FBXL17: variants seen among roughly 807,000 people sequenced by gnomAD.
FBXL17 encodes the protein F-box and leucine rich repeat protein 17.
FBXL17 carries 22 observed loss-of-function variants against 66.2 expected under a neutral mutation model. The observed-to-expected ratio is 0.33, with a 90% CI of 0.24 to 0.47. The LOEUF is 0.47. Ranked by LOEUF, FBXL17 falls within the 20% of genes least tolerant of loss-of-function variation. The pLI is 1.00. For missense variants in FBXL17, 878 were observed against 948.2 expected (o/e 0.93, Z 0.97); for synonymous variants, 474 against 400.5 (o/e 1.18, Z -2.19).
intron 4 of FBXL17, among the ~76,000 whole-genome samples, chr5:108,322,396 C>T (rs1759659735): frequency 6.6e-6 from 1 of 151,782 alleles, no homozygotes; most frequent in South Asian, 2.1e-4. Context: ...TTATGAAAGA[C>T]CTGTTAAGTG....
intron 4 of FBXL17, among the ~76,000 whole-genome samples, chr5:108,293,252 A>T (rs1415788697): frequency 6.6e-6 from 1 of 152,164 alleles, no homozygotes; most frequent in Non-Finnish European, 1.5e-5. Context: ...TTATAAAGTG[A>T]AATATTGTAA....
intron 6 of FBXL17, among the ~76,000 whole-genome samples, chr5:108,158,301 A>G (rs1752073303): frequency 6.6e-6 from 1 of 152,218 alleles, no homozygotes; most frequent in Non-Finnish European, 1.5e-5. Context: ...CTGAACCAAT[A>G]TAATTCACAA....
chr5:107,878,958 G>A lies in FBXL17; in HGVS notation c.1965+2079C>T, dbSNP rs919079661. 24 of 985,328 alleles carry A rather than the reference G, an allele frequency of 2.4e-5. No homozygotes were observed. The Admixed American group carries it at 1.1e-3, about 45-fold the overall frequency. 61.0% of individuals were successfully genotyped at this position (985,328 alleles called of 1,614,324 possible). ...CTCTGGTTAGAGAAAGGATTCAGAG[G>A]CAGCCCAGGAAAAGGGCTAAAACCC... On this transcript the variant is annotated intron_variant, in intron 8 of 8. Coordinates refer to ENST00000542267, the MANE Select transcript of FBXL17 (RefSeq NM_001163315.3).
chr5:107,982,919 G>C (rs1260683021), intron 7 of FBXL17, among the ~76,000 whole-genome samples: 1 of 152,074 alleles, frequency 6.6e-6, no homozygotes, highest in East Asian at 1.9e-4. Flanking sequence ...GCTACGTTTG[G>C]CCATGGGGAC....
intron 4 of FBXL17, among the ~76,000 whole-genome samples, chr5:108,332,790 T>C (rs1011259957): frequency 6.6e-6 from 1 of 151,848 alleles, no homozygotes; most frequent in African/African-American, 2.4e-5. Context: ...GTATTTTTAG[T>C]AGAGATGGAG....
chr5:107,958,256 CTTCT>C (rs1236066833), intron 7 of FBXL17, among the ~76,000 whole-genome samples: 3 of 151,764 alleles, frequency 2.0e-5, no homozygotes, highest in Non-Finnish European at 4.4e-5. Flanking sequence ...TATAAAACTG[CTTCT>C]TTATTTTTTC....
chr5:108,291,087 A>C (rs1456962083), intron 4 of FBXL17, among the ~76,000 whole-genome samples: 1 of 152,238 alleles, frequency 6.6e-6, no homozygotes, highest in African/African-American at 2.4e-5. Context: ...ACTCATGTAT[A>C]TTATACAATA....
Position 108,244,052 on chromosome 5 carries a change from T to C in FBXL17, c.1507-19824A>G, listed in dbSNP as rs545574915. On this transcript the variant is annotated intron_variant, in intron 4 of 8. Transcript: ENST00000542267. ...TTCGAACTGTCTATGGTTCTTTTCC[T>C]ACCTATGTAACTTTGCTTTCTGTGT... is the stretch of plus-strand genomic sequence containing the variant. Among the ~76,000 whole-genome samples the C allele has an allele frequency of 6.6e-5, 10 of 152,292 alleles. No homozygotes were observed. In the South Asian group the frequency reaches 2.1e-3, roughly 32 times the overall value.
intron 4 of FBXL17, among the ~76,000 whole-genome samples, chr5:108,261,837 A>G (rs868690752): frequency 2.6e-5 from 4 of 152,262 alleles, no homozygotes; most frequent in Middle Eastern, 3.4e-3. Flanking sequence ...AACAAGCAGC[A>G]CAGAAATAAT....
intron 4 of FBXL17, among the ~76,000 whole-genome samples, chr5:108,304,807 T>C (rs1051376999): frequency 6.6e-6 from 1 of 151,974 alleles, no homozygotes; most frequent in Non-Finnish European, 1.5e-5. Flanking sequence ...GCCTTGTACA[T>C]ACTTGATTAA....
chr5:108,238,220 C>G (rs141693628), intron 4 of FBXL17, among the ~76,000 whole-genome samples: 2 of 152,286 alleles, frequency 1.3e-5, no homozygotes, highest in Non-Finnish European at 2.9e-5. Context: ...TAAGACTCAT[C>G]ACTGTGCTCT....
At chr5:107,939,462 G>A (rs530796398) in intron 7 of FBXL17, among the ~76,000 whole-genome samples, 2 of 152,004 alleles carry the variant, frequency 1.3e-5, no homozygotes, top group East Asian at 1.9e-4. Flanking sequence ...TTCGGGCCAC[G>A]GGTCAGGGAG....
intron 6 of FBXL17, among the ~76,000 whole-genome samples, chr5:108,047,077 C>T (rs914429364): frequency 1.2e-4 from 19 of 152,150 alleles, no homozygotes; most frequent in Non-Finnish European, 2.5e-4. Flanking sequence ...TGAAAAAGAA[C>T]CATAATTAGC....
rs546266380 is a variant in FBXL17, at chr5:107,879,459, A to T, written c.1965+1578T>A. The stretch of plus-strand genomic sequence containing the variant: ...TTTGTGGGAGACTCGCAAGCCCCGG[A>T]TCTCAGTGCTGTTGCTTAGTTACAA... On this transcript the variant is annotated intron_variant, in intron 8 of 8. Transcript: ENST00000542267. 10 of 985,424 alleles carry T rather than the reference A, an allele frequency of 1.0e-5. No individual in the cohort carries two copies. In the South Asian group the frequency reaches 1.4e-4, roughly 14 times the overall value. The allele number at this position is 985,424 out of a possible 1,614,324, so 61.0% of individuals were successfully genotyped here.
At chr5:107,978,944 A>T (rs1160950373) in intron 7 of FBXL17, among the ~76,000 whole-genome samples, 1 of 152,238 alleles carries the variant, frequency 6.6e-6, no homozygotes, top group Non-Finnish European at 1.5e-5. Flanking sequence ...GGGCTGAAAC[A>T]TAGGCTCTGG....
At chr5:108,354,447 G>GA (rs1747837394) in intron 3 of FBXL17, among the ~76,000 whole-genome samples, 1 of 151,236 alleles carries the variant, frequency 6.6e-6, no homozygotes, top group African/African-American at 2.4e-5. Flanking sequence ...AAAATCAGGA[G>GA]AAAAAAGACT....
chr5:108,298,326 G>C (rs1018794933), intron 4 of FBXL17: 29 of 983,950 alleles, frequency 2.9e-5, no homozygotes, highest in Middle Eastern at 5.2e-4. Flanking sequence ...AGAAAGCACT[G>C]AGAAAAATCG....
intron 4 of FBXL17, among the ~76,000 whole-genome samples, chr5:108,315,082 C>T (rs906563742): frequency 6.6e-6 from 1 of 150,498 alleles, no homozygotes; most frequent in Non-Finnish European, 1.5e-5. Context: ...AATAAATTAC[C>T]AGAGTTTAAA....
At chr5:108,258,613 G>A (rs1439395413) in intron 4 of FBXL17, among the ~76,000 whole-genome samples, 1 of 152,098 alleles carries the variant, frequency 6.6e-6, no homozygotes, top group Non-Finnish European at 1.5e-5. Context: ...GACCAGAGTT[G>A]GGTCAAAAAA....
Sources: allele counts gnomAD v4.1 joint callset (sites outside exome capture counted in the v4.1 genomes callset), GRCh38; gene constraint gnomAD v4.1.1; transcripts MANE v1.5; gene names NCBI Gene and HGNC (gene_info 2026-07-23, HGNC 2026-07-21).